The following TXLNA variants were observed in gnomAD, a reference collection of about 807,000 sequenced individuals.
TXLNA encodes alpha-taxilin.
A neutral mutation model predicts 61.4 loss-of-function variants in TXLNA; 9 were observed. The observed-to-expected ratio is 0.15, with a 90% CI of 0.09 to 0.26. TXLNA has a LOEUF of 0.26. TXLNA is among the 10% of genes least tolerant of loss of function. The probability of loss-of-function intolerance (pLI) is 1.00; values close to 1 mark genes in which losing one functional copy is unlikely to be tolerated. For missense variants in TXLNA, 565 were observed against 688.8 expected (o/e 0.82, Z 2.01); for synonymous variants, 257 against 267.7 (o/e 0.96, Z 0.39).
chr1:32,188,132 T>G lies in TXLNA; in HGVS notation c.768+8T>G, dbSNP rs753708755. 6.5e-7 allele frequency: 1 copy of G among 1,544,810 alleles called. No homozygotes were observed. The highest frequency in any genetic ancestry group is 1.4e-5 in the African/African-American group (1 of 73,148). ...CACAACCGCTCCCTCAAGGTAGGCC[T>G]GGGCCCCCTGGAACAGGTGACTCTG... On this transcript the variant is annotated splice_region_variant and intron_variant, in intron 5 of 10. Transcript: ENST00000373610.
rs371581947 is a variant in TXLNA at position 32,192,273 on chromosome 1, G to T, written c.964-38G>T. ...GTGGGGCTACCCTGAGAAAGGGAGC[G>T]CCTGACAAGCCGACTGCTCCCACCA... On this transcript the variant is annotated intron_variant, in intron 6 of 10. Transcript: ENST00000373610. This position sits in a 1 kb window ranked among gnomAD's most constrained non-coding sequence, Gnocchi z 4.2. 1 of 1,607,886 alleles carries T rather than the reference G, an allele frequency of 6.2e-7. No individual in the cohort carries two copies. Among genetic ancestry groups the T allele is most frequent in the Non-Finnish European group, 8.5e-7 (1 of 1,175,530 alleles).
chr1:32,195,541 C>G lies in TXLNA; in HGVS notation c.*346C>G, dbSNP rs895160428. ...GTTGGCAGAAGTGACTTGAGCATTT[C>G]TCTGTCTGATTTGAGGCTCAGACCC... On this transcript the variant is annotated 3_prime_UTR_variant, in exon 11 of 11. Transcript: ENST00000373610. 9.2e-6 allele frequency: 4 copies of G among 436,414 alleles called. No individual in the cohort carries two copies. The highest frequency in any genetic ancestry group is 2.0e-5 in the African/African-American group (1 of 50,036). 27.0% of individuals were successfully genotyped at this position (436,414 alleles called of 1,614,324 possible). A position where few individuals can be genotyped will look rare whatever the true frequency, so the allele number is the denominator to read the frequency against.
chr1:32,191,145 G>T (rs1265029939), intron 6 of TXLNA, among the ~76,000 whole-genome samples: 1 of 151,302 alleles, frequency 6.6e-6, no homozygotes, highest in Non-Finnish European at 1.5e-5. Flanking sequence ...CACTGCGTTG[G>T]CTGCCACCCC....
Position 32,181,413 on chromosome 1 carries a change from G to T in TXLNA, c.341G>T (p.Arg114Leu). The T allele has an allele frequency of 6.2e-7, 1 of 1,614,206 alleles. No individual in the cohort carries two copies. Among genetic ancestry groups the T allele is most frequent in the Non-Finnish European group, 8.5e-7 (1 of 1,180,050 alleles). Residue 114 changes from arginine (R) to leucine (L), a missense_variant, in exon 3 of 11, where the codon CGG (arginine) becomes CTG (leucine). Physicochemically the swap from Arg to Leu is moderately radical, Grantham distance 102. This residue lies in a region of TXLNA where 192 missense variants were observed against 184.8 expected (regional missense o/e 1.04). Coordinates refer to ENST00000373610, the MANE Select transcript of TXLNA (RefSeq NM_175852.4). ...PAEPEDAEKS[R>L]TYVARNGEPE... ...GAACCCGAAGATGCAGAGAAGTCCC[G>T]GACCTATGTGGCAAGGAATGGGGAG... is the stretch of plus-strand genomic sequence containing the variant.
Position 32,194,907 on chromosome 1 carries a change from A to T in TXLNA, c.1353A>T (p.Thr451=). ...KALLEMAEEK[T]VRDKELEGLQ... Reference sequence around the variant, plus strand: ...GGTCTCATTTCTTTCCCTAGAAAACAGTCCGGGATAAAGAACTGGAGGGCC... The same window carrying T: ...GGTCTCATTTCTTTCCCTAGAAAACTGTCCGGGATAAAGAACTGGAGGGCC... Residue 451 remains threonine (T), a synonymous_variant, in exon 11 of 11, where the codon ACA becomes ACT. Coordinates refer to ENST00000373610, the MANE Select transcript of TXLNA (RefSeq NM_175852.4). The T allele has an allele frequency of 6.2e-7, 1 of 1,602,936 alleles. No individual in the cohort carries two copies. The highest frequency in any genetic ancestry group is 8.5e-7 in the Non-Finnish European group (1 of 1,175,460).
At position 32,182,526 on chromosome 1, in the gene TXLNA, C is replaced by G. The variant is rs529096561; in HGVS notation, c.505+949C>G. 7.9e-5 allele frequency among the ~76,000 whole-genome samples: 12 copies of G among 151,666 alleles called. No homozygotes were observed. In the South Asian group the frequency reaches 2.5e-3, roughly 32 times the overall value. On this transcript the variant is annotated intron_variant, in intron 3 of 10. Transcript: ENST00000373610. ...AAAATACAAAAATTAGCTGGACATGCTGGCACACGCCTGTAATCCCAGCTA... is the reference window on the plus strand; with the variant it reads ...AAAATACAAAAATTAGCTGGACATGGTGGCACACGCCTGTAATCCCAGCTA...
intron 4 of TXLNA, among the ~76,000 whole-genome samples, chr1:32,186,237 G>A (rs1326431317): frequency 2.6e-5 from 4 of 152,198 alleles, no homozygotes; most frequent in Non-Finnish European, 5.9e-5. Flanking sequence ...GAGGAGGGGA[G>A]CTGAGGCCTG....
rs766491872 is a variant in TXLNA at position 32,195,103 on chromosome 1, A to G, written c.1549A>G (p.Arg517Gly). ...TGGGGCTCAAGCACCCAGCTCCCCC[A>G]GGGTCACAGAAGCGCCTTGCTACCC... ...GPGAQAPSSPRVTEAPCYPGA... is the reference protein window; with the variant it reads ...GPGAQAPSSPGVTEAPCYPGA... The change falls in exon 11 of 11, where the codon AGG becomes GGG. Residue 517 changes from arginine to glycine, a missense_variant. By Grantham distance (125) the Arg-to-Gly change is moderately radical. Around this residue, in one of 2 missense-constraint regions of TXLNA, gnomAD observed 373 missense variants for 504.0 expected, o/e 0.74. Transcript: ENST00000373610. 3.7e-6 allele frequency: 6 copies of G among 1,614,026 alleles called. No homozygotes were observed. In the East Asian group the frequency reaches 1.1e-4, roughly 30 times the overall value.
In TXLNA at chr1:32,190,159, C is replaced by G. The variant is rs537890927; in HGVS notation, c.873C>G (p.His291Gln). ...LNDIQLQMEQ[H>Q]NERNSKLRQE... The stretch of plus-strand genomic sequence containing the variant: ...ACATTCAGCTGCAGATGGAACAGCA[C>G]AATGAGCGCAACTCCAAGCTGCGCC... The change falls in exon 6 of 11, where the codon CAC becomes CAG. Residue 291 changes from histidine (H) to glutamine (Q), a missense_variant. His to Gln is a conservative substitution (Grantham distance 24). Around this residue, in one of 2 missense-constraint regions of TXLNA, gnomAD observed 373 missense variants for 504.0 expected, o/e 0.74. Transcript: ENST00000373610. The G allele has an allele frequency of 4.1e-5, 66 of 1,599,790 alleles. No individual in the cohort carries two copies. The highest frequency in any genetic ancestry group is 5.6e-5 in the Non-Finnish European group (66 of 1,173,058).
Position 32,195,634 on chromosome 1 carries a change from G to C in TXLNA, c.*439G>C. On this transcript the variant is annotated 3_prime_UTR_variant, in exon 11 of 11. Transcript: ENST00000373610. Reference sequence around the variant, plus strand: ...CTTGACTGCATTTGTCTTGTGAGCAGGGCTTGCTTGGTCAGCTCAGGCCCT... The same window carrying C: ...CTTGACTGCATTTGTCTTGTGAGCACGGCTTGCTTGGTCAGCTCAGGCCCT... 1 of 437,306 alleles carries C rather than the reference G, an allele frequency of 2.3e-6. No individual in the cohort carries two copies. Among genetic ancestry groups the C allele is most frequent in the South Asian group, 1.6e-5 (1 of 61,690 alleles). The allele number at this position is 437,306 out of a possible 1,614,324, so 27.1% of individuals were successfully genotyped here.
At chr1:32,193,599 G>A (rs1187482523) in intron 9 of TXLNA, among the ~76,000 whole-genome samples, 1 of 152,046 alleles carries the variant, frequency 6.6e-6, no homozygotes, top group Non-Finnish European at 1.5e-5. Context: ...GGAGTGCAGT[G>A]GCATGATCTC....
intron 6 of TXLNA, among the ~76,000 whole-genome samples, chr1:32,191,382 G>A (rs1642904171): frequency 1.3e-5 from 2 of 152,106 alleles, no homozygotes; most frequent in African/African-American, 4.8e-5. Flanking sequence ...CCTAGAGGGC[G>A]CTCCCCTGAC....
intron 3 of TXLNA, among the ~76,000 whole-genome samples, 164 bp from the exon 4 acceptor site, chr1:32,184,361 A>G (rs1642737206): frequency 2.0e-5 from 3 of 152,168 alleles, no homozygotes; most frequent in African/African-American, 7.2e-5. Context: ...GGCTATAGTG[A>G]GGGCAGGATT....
intron 3 of TXLNA, among the ~76,000 whole-genome samples, chr1:32,183,417 C>A (rs1642711616): frequency 6.8e-6 from 1 of 146,024 alleles, no homozygotes. Context: ...GGCCACCGTA[C>A]CCTGCCTTTT....
At position 32,196,633 on chromosome 1, in the gene TXLNA, G is replaced by A. The variant is rs1478777382; in HGVS notation, c.*1438G>A. On this transcript the variant is annotated 3_prime_UTR_variant, in exon 11 of 11. Transcript: ENST00000373610. ...TGCAAACTTGCCAGGGTATTAGCCA[G>A]TGTTTGTGCCAAGCAGTTTTCTGGG... 3 of 152,270 alleles carry A rather than the reference G, an allele frequency of 2.0e-5. No homozygotes were observed. The highest frequency in any genetic ancestry group is 2.0e-4 in the Admixed American group (3 of 15,282). 9.4% of individuals were successfully genotyped at this position (152,270 alleles called of 1,614,324 possible).
chr1:32,186,289 CTG>C (rs1476143030), intron 4 of TXLNA, among the ~76,000 whole-genome samples: 1 of 152,112 alleles, frequency 6.6e-6, no homozygotes, highest in Non-Finnish European at 1.5e-5. Flanking sequence ...ATGGCTAGGT[CTG>C]TGTGACTGGA....
At chr1:32,180,625 T>C in intron 2 of TXLNA, 111 bp downstream of exon 2, 1 of 1,383,196 alleles carries the variant, frequency 7.2e-7, no homozygotes, top group African/African-American at 1.5e-5. Flanking sequence ...AGATGTAGAA[T>C]GAGAGGACAG....
rs369476248 is a variant in TXLNA, at chr1:32,181,480, C to A, written c.408C>A (p.Ser136=). The change falls in exon 3 of 11, where the codon TCC becomes TCA. Residue 136 remains serine (S), a synonymous_variant. Coordinates refer to ENST00000373610, the MANE Select transcript of TXLNA (RefSeq NM_175852.4). ...TAGTCAATGGAGAGAAGGAACCCTC[C>A]AAGGGGGATCCAAACACAGAAGAGA... ...TPVVNGEKEP[S]KGDPNTEEIR... is the part of the protein sequence containing the mutation. 2.5e-5 allele frequency: 41 copies of A among 1,612,088 alleles called. No individual in the cohort carries two copies. Among genetic ancestry groups the A allele is most frequent in the African/African-American group, 6.7e-5 (5 of 75,012 alleles).
intron 5 of TXLNA, 42 bp downstream of exon 5, chr1:32,188,166 G>C: frequency 6.6e-7 from 1 of 1,510,176 alleles, no homozygotes; most frequent in Non-Finnish European, 8.9e-7. Flanking sequence ...TGGTTTCCTT[G>C]ACTTCCACTT....
Sources: allele counts gnomAD v4.1 joint callset (sites outside exome capture counted in the v4.1 genomes callset), GRCh38; gene constraint gnomAD v4.1.1; regional missense constraint gnomAD v4.1.1; non-coding constraint Gnocchi (gnomAD v3.1); transcripts MANE v1.5; gene names NCBI Gene and HGNC (gene_info 2026-07-23, HGNC 2026-07-21).